Variants in PREX1 observed in about 807,000 individuals in gnomAD.
PREX1 encodes phosphatidylinositol 3,4,5-trisphosphate-dependent Rac exchanger 1 protein.
A neutral mutation model predicts 198.3 loss-of-function variants in PREX1; 41 were observed. The observed-to-expected ratio is 0.21, with a 90% confidence interval of 0.16 to 0.27. The LOEUF is 0.27. Ranked by LOEUF, PREX1 falls within the 10% of genes least tolerant of loss-of-function variation. The pLI, the probability that PREX1 is intolerant of heterozygous loss-of-function variation, is 1.00. For missense variants in PREX1, 1,620 were observed against 2,200.7 expected (o/e 0.74, Z 5.28); for synonymous variants, 843 against 887.2 (o/e 0.95, Z 0.89).
At chr20:48,644,549 G>A (rs1411484046) in intron 26 of PREX1, 52 bp from the exon 27 acceptor site, 1 of 1,539,530 alleles carries the variant, frequency 6.5e-7, no homozygotes, top group Non-Finnish European at 8.9e-7. Context: ...CAGGCCATCT[G>A]GTCCTGGCAC....
chr20:48,767,080 C>T (rs2122864816), intron 1 of PREX1, among the ~76,000 whole-genome samples: 1 of 152,300 alleles, frequency 6.6e-6, no homozygotes, highest in Middle Eastern at 3.4e-3. Flanking sequence ...CGCTGTGGGA[C>T]CCTGAGAAAG....
intron 23 of PREX1, among the ~76,000 whole-genome samples, chr20:48,650,423 C>G (rs1316502354): frequency 6.6e-6 from 1 of 152,210 alleles, no homozygotes; most frequent in Non-Finnish European, 1.5e-5. Context: ...GGGTGCCCAC[C>G]CCATGCATGG....
chr20:48,669,206 G>C (rs1168540828), intron 14 of PREX1, among the ~76,000 whole-genome samples: 1 of 147,470 alleles, frequency 6.8e-6, no homozygotes, highest in Non-Finnish European at 1.5e-5. Context: ...CTTTGCACTC[G>C]TCCTTTCCTG....
chr20:48,701,019 A>G (rs914271821), intron 6 of PREX1, 133 bp from the exon 7 acceptor site: 4 of 1,232,184 alleles, frequency 3.2e-6, no homozygotes, highest in Non-Finnish European at 3.5e-6. Context: ...TGGACAGAAA[A>G]TCAACACAAC....
intron 39 of PREX1, among the ~76,000 whole-genome samples, chr20:48,626,172 C>T (rs973509657): frequency 1.4e-4 from 21 of 152,202 alleles, no homozygotes; most frequent in African/African-American, 3.9e-4. Context: ...TACAGGTGCA[C>T]GTGTGCGTTC....
At chr20:48,690,012 G>T (rs2089809403) in intron 9 of PREX1, among the ~76,000 whole-genome samples, 1 of 152,178 alleles carries the variant, frequency 6.6e-6, no homozygotes, top group Admixed American at 6.5e-5. Flanking sequence ...GAGACCAGGG[G>T]TGATACGAAG....
At chr20:48,862,807 A>ATGTGTG in the PREX1 span, among the ~76,000 whole-genome samples, 422 of 126,582 alleles carry the variant, frequency 3.3e-3, 5 homozygotes, top group South Asian at 8.0e-3. Flanking sequence ...ATATATATAT[A>ATGTGTG]TATATACTAA....
chr20:48,651,713 AT>A (rs1272183648), intron 21 of PREX1, 130 bp from the exon 22 acceptor site: 5 of 839,330 alleles, frequency 6.0e-6, no homozygotes, highest in Non-Finnish European at 9.0e-6. Context: ...GCAGGAGTAC[AT>A]TCCGCCAGAG....
In PREX1 at chr20:48,827,332, T is replaced by C. The variant is rs2090513789; in HGVS notation, c.219+310A>G. Reference sequence around the variant, plus strand: ...CCGCCGGGGTCCCCAAGCCCCTGCATCGCGGATGTAACTAATTTTAAAACT... The same window carrying C: ...CCGCCGGGGTCCCCAAGCCCCTGCACCGCGGATGTAACTAATTTTAAAACT... On this transcript the variant is annotated intron_variant, in intron 1 of 39. Transcript: ENST00000371941. The surrounding 1 kb of genome is among the most constrained non-coding windows in gnomAD (Gnocchi z 4.1). 6.6e-6 allele frequency among the ~76,000 whole-genome samples: 1 copy of C among 152,050 alleles called. No individual in the cohort carries two copies. The highest frequency in any genetic ancestry group is 1.5e-5 in the Non-Finnish European group (1 of 67,998).
At chr20:48,866,945 T>C in the PREX1 span, among the ~76,000 whole-genome samples, 1 of 152,044 alleles carries the variant, frequency 6.6e-6, no homozygotes, top group Admixed American at 6.6e-5. Flanking sequence ...AAAGAATCGC[T>C]TGCTCTTCCT....
chr20:48,780,754 C>T (rs991228901), intron 1 of PREX1, among the ~76,000 whole-genome samples: 1 of 152,144 alleles, frequency 6.6e-6, no homozygotes, highest in Admixed American at 6.5e-5. Context: ...CCAGACCCAC[C>T]GGTGGATGCT....
At chr20:48,866,763 C>G in the PREX1 span, among the ~76,000 whole-genome samples, 4 of 152,022 alleles carry the variant, frequency 2.6e-5, no homozygotes, top group Non-Finnish European at 4.4e-5. Context: ...TCCATCTCTA[C>G]CCCCAAAAAT....
intron 14 of PREX1, among the ~76,000 whole-genome samples, chr20:48,671,404 G>C (rs1327301198): frequency 6.6e-6 from 1 of 152,210 alleles, no homozygotes; most frequent in Non-Finnish European, 1.5e-5. Flanking sequence ...GGAGATGCCT[G>C]GGTACAGACG....
At chr20:48,692,905 C>A in intron 7 of PREX1, 115 bp from the exon 8 acceptor site, 1 of 856,698 alleles carries the variant, frequency 1.2e-6, no homozygotes, top group Non-Finnish European at 2.0e-6. Flanking sequence ...AGAGAGGAGC[C>A]CCAGGTAGGG....
chr20:48,699,388 C>A (rs2089863153), intron 7 of PREX1, among the ~76,000 whole-genome samples: 1 of 152,110 alleles, frequency 6.6e-6, no homozygotes, highest in Admixed American at 6.5e-5. Context: ...CAGCTGAGAC[C>A]ATCCTATACC....
intron 3 of PREX1, among the ~76,000 whole-genome samples, chr20:48,742,958 T>C (rs1465149079): frequency 6.6e-6 from 1 of 152,196 alleles, no homozygotes; most frequent in Non-Finnish European, 1.5e-5. Flanking sequence ...TCTCCCACTT[T>C]TGCTAAGTAT....
chr20:48,763,448 T>TG (rs1196112470), intron 1 of PREX1, among the ~76,000 whole-genome samples: 1 of 152,126 alleles, frequency 6.6e-6, no homozygotes, highest in Non-Finnish European at 1.5e-5. Context: ...CTGGACATCC[T>TG]GGGGTCCTTG....
chr20:48,711,688 G>A (rs566905869), intron 5 of PREX1, among the ~76,000 whole-genome samples: 27 of 152,276 alleles, frequency 1.8e-4, no homozygotes, highest in Admixed American at 6.5e-4. Context: ...GGACCCCAAG[G>A]CCTAAACTAT....
At chr20:48,798,066 T>C (rs575795954) in intron 1 of PREX1, among the ~76,000 whole-genome samples, 1 of 152,328 alleles carries the variant, frequency 6.6e-6, no homozygotes, top group Admixed American at 6.5e-5. Flanking sequence ...GTCAATCTCC[T>C]GCCTTTTGCA....
Sources: allele counts gnomAD v4.1 joint callset (sites outside exome capture counted in the v4.1 genomes callset), GRCh38; gene constraint gnomAD v4.1.1; non-coding constraint Gnocchi (gnomAD v3.1); transcripts MANE v1.5; gene names NCBI Gene and HGNC (gene_info 2026-07-23, HGNC 2026-07-21).